Variants in DMD observed in about 807,000 individuals in gnomAD.
The protein encoded by DMD is mutant dystrophin.
DMD carries 63 observed loss-of-function variants against 330.1 expected under a neutral mutation model. The ratio of observed to expected loss-of-function variants is 0.19; its 90% CI spans 0.16 to 0.24. The LOEUF is 0.24. Among genes scored for constraint, DMD ranks in the 10% least tolerant of loss-of-function variants. DMD has a pLI of 1.00. For synonymous variants in DMD, 1,223 were observed against 959.8 expected, an observed-to-expected ratio of 1.27 and a Z score of -5.07; for missense variants, 3,344 against 2,684.1, an observed-to-expected ratio of 1.25 and a Z score of -5.43.
At chrX:32,698,125 A>G in intron 8 of DMD, 127 bp from the exon 9 acceptor site, 11 of 695,642 alleles carry the variant, frequency 1.6e-5, no homozygotes, top group Non-Finnish European at 2.1e-5. Context: ...TCAATGTTTA[A>G]TACTAAACAT....
intron 11 of DMD, among the ~76,000 whole-genome samples, chrX:32,629,246 ACC>A (rs1200692119): frequency 9.0e-6 from 1 of 110,773 alleles, no homozygotes; most frequent in Non-Finnish European, 1.9e-5. Flanking sequence ...TGCTGAATTG[ACC>A]CCTTTATCAT....
intron 20 of DMD, among the ~76,000 whole-genome samples, chrX:32,489,475 G>T (rs189042699): frequency 9.0e-6 from 1 of 111,002 alleles, no homozygotes; most frequent in Admixed American, 9.6e-5. Flanking sequence ...AGCCATGTGA[G>T]GACAGAGTGA....
intron 12 of DMD, among the ~76,000 whole-genome samples, chrX:32,602,888 G>T (rs757720901): frequency 9.0e-5 from 10 of 111,238 alleles, no homozygotes; most frequent in Admixed American, 1.9e-4. Context: ...GAGAGAAATG[G>T]TCTCAAAGGC....
chrX:32,411,155 T>C (rs2098140257), intron 30 of DMD, among the ~76,000 whole-genome samples: 1 of 111,797 alleles, frequency 8.9e-6, no homozygotes. Flanking sequence ...TTTTATAAGA[T>C]AGAGTCTCGC....
intron 41 of DMD, among the ~76,000 whole-genome samples, chrX:32,316,853 G>A (rs1603630603): frequency 9.0e-6 from 1 of 110,855 alleles, no homozygotes; most frequent in African/African-American, 3.3e-5. Flanking sequence ...ACACAGTCAT[G>A]CGAATCTATA....
chrX:32,434,236 A>C (rs1406416624), intron 29 of DMD, among the ~76,000 whole-genome samples: 5 of 111,646 alleles, frequency 4.5e-5, no homozygotes, highest in African/African-American at 1.3e-4. Flanking sequence ...ATAGGCACTT[A>C]ATTGATTTTA....
intron 1 of DMD, among the ~76,000 whole-genome samples, chrX:33,056,670 G>A (rs981306423): frequency 2.7e-5 from 3 of 110,888 alleles, no homozygotes; most frequent in African/African-American, 9.8e-5. Context: ...GCCCCCCTGC[G>A]CTTTTTATAA....
At chrX:31,996,144 G>GA (rs779473109) in intron 44 of DMD, among the ~76,000 whole-genome samples, 1 of 111,483 alleles carries the variant, frequency 9.0e-6, no homozygotes, top group Non-Finnish European at 1.9e-5. Context: ...AGAGAAATTG[G>GA]AAAAAAAGAA....
intron 49 of DMD, among the ~76,000 whole-genome samples, chrX:31,833,194 C>T (rs1030340176): frequency 6.5e-5 from 7 of 107,708 alleles, no homozygotes; most frequent in Non-Finnish European, 1.3e-4. Context: ...TATAGTCAGT[C>T]TTCAGTAATT....
At chrX:32,072,230 C>T (rs2096305920) in intron 44 of DMD, among the ~76,000 whole-genome samples, 3 of 111,360 alleles carry the variant, frequency 2.7e-5, no homozygotes, top group African/African-American at 9.8e-5. Context: ...AAACCCTTTG[C>T]TCTCCAATGA....
At chrX:31,560,992 C>T (rs1186396361) in intron 55 of DMD, among the ~76,000 whole-genome samples, 5 of 111,328 alleles carry the variant, frequency 4.5e-5, no homozygotes, top group African/African-American at 1.3e-4. Context: ...TTGGGCTCAG[C>T]GCCCCTAACC....
intron 73 of DMD, among the ~76,000 whole-genome samples, chrX:31,171,723 C>T (rs1471214079): frequency 9.0e-6 from 1 of 111,511 alleles, no homozygotes; most frequent in Non-Finnish European, 1.9e-5. Flanking sequence ...TTCCCTGCTG[C>T]TCTTAGCACC....
At chrX:31,592,042 C>T (rs2076899431) in intron 55 of DMD, among the ~76,000 whole-genome samples, 1 of 110,140 alleles carries the variant, frequency 9.1e-6, no homozygotes, top group Non-Finnish European at 1.9e-5. Context: ...GAGCATTATG[C>T]CTTATATATA....
chrX:31,514,020 T>G (rs1395814190), intron 55 of DMD, among the ~76,000 whole-genome samples: 1 of 111,881 alleles, frequency 8.9e-6, no homozygotes, highest in Admixed American at 9.5e-5. Context: ...TTGGTGGTAG[T>G]TTTTCCTATT....
intron 60 of DMD, among the ~76,000 whole-genome samples, chrX:31,357,637 C>T (rs1430628871): frequency 1.8e-5 from 2 of 111,061 alleles, no homozygotes; most frequent in African/African-American, 6.6e-5. Flanking sequence ...CCTTAAATCC[C>T]GTACCATCCT....
chrX:31,843,578 CTTG>C (rs1417409796), intron 48 of DMD, among the ~76,000 whole-genome samples: 2 of 111,229 alleles, frequency 1.8e-5, no homozygotes, highest in Non-Finnish European at 3.8e-5. Context: ...CTGCGTTTTG[CTTG>C]TTAAGTTCCC....
intron 44 of DMD, among the ~76,000 whole-genome samples, chrX:32,196,485 GA>G (rs1460315278): frequency 1.8e-5 from 2 of 111,609 alleles, no homozygotes; most frequent in African/African-American, 6.5e-5. Context: ...ATATACCATG[GA>G]AAAAAAGAAC....
intron 45 of DMD, among the ~76,000 whole-genome samples, chrX:31,944,788 G>A (rs1425846304): frequency 3.6e-5 from 4 of 109,746 alleles, no homozygotes; most frequent in Non-Finnish European, 7.6e-5. Flanking sequence ...GATTACAGGC[G>A]TGAGGCACCG....
chrX:32,095,695 T>A (rs1307665484), intron 44 of DMD, among the ~76,000 whole-genome samples: 7 of 111,985 alleles, frequency 6.3e-5, no homozygotes, highest in Non-Finnish European at 1.3e-4. Context: ...TAAATGTCAA[T>A]CTTGCATTTT....
Sources: gnomAD v4.1 joint callset for allele counts (sites outside exome capture counted in the v4.1 genomes callset) on GRCh38, gnomAD v4.1.1 for gene constraint, MANE v1.5 for transcripts, NCBI Gene and HGNC (gene_info 2026-07-23, HGNC 2026-07-21) for gene names.